ATRX: variants seen among roughly 807,000 people sequenced by gnomAD.
ATRX encodes ATRX chromatin remodeler, also known as chromatin remodeler ATRX.
A neutral mutation model predicts 172.6 loss-of-function variants in ATRX; 12 were observed. The observed-to-expected ratio is 0.07, with a 90% CI of 0.04 to 0.11. ATRX has a LOEUF of 0.11. ATRX is among the 10% of genes least tolerant of loss of function. The probability of loss-of-function intolerance (pLI) is 1.00; values close to 1 mark genes in which losing one functional copy is unlikely to be tolerated. For synonymous variants in ATRX, 674 were observed against 594.7 expected (o/e 1.13, Z -1.94); for missense variants, 1,368 against 1,767.4 (o/e 0.77, Z 4.05).
intron 19 of ATRX, among the ~76,000 whole-genome samples, chrX:77,630,112 A>T (rs1288562518): frequency 1.8e-5 from 2 of 112,033 alleles, no homozygotes; most frequent in African/African-American, 6.5e-5. Flanking sequence ...ATAAAATTAA[A>T]ACAATTTTAT....
intron 22 of ATRX, among the ~76,000 whole-genome samples, chrX:77,613,663 A>G (rs1269687183): frequency 1.8e-5 from 2 of 112,053 alleles, no homozygotes; most frequent in Non-Finnish European, 3.8e-5. Flanking sequence ...AGGTCCTAGA[A>G]CCAATCCCCC....
intron 7 of ATRX, among the ~76,000 whole-genome samples, chrX:77,688,412 G>A (rs2071699010): frequency 8.9e-6 from 1 of 111,765 alleles, no homozygotes; most frequent in Non-Finnish European, 1.9e-5. Context: ...GATATATAAG[G>A]GGAAAGATTA....
At chrX:77,660,515 C>T (rs953932202) in intron 12 of ATRX, among the ~76,000 whole-genome samples, 1 of 108,698 alleles carries the variant, frequency 9.2e-6, no homozygotes, top group Non-Finnish European at 1.9e-5. Flanking sequence ...CAGTGTGAGC[C>T]GAGATCGCGC....
At chrX:77,727,366 A>G (rs2074093774) in intron 1 of ATRX, among the ~76,000 whole-genome samples, 1 of 111,534 alleles carries the variant, frequency 9.0e-6, no homozygotes, top group Non-Finnish European at 1.9e-5. Context: ...TTCTACTGTA[A>G]AGACACATGC....
chrX:77,782,188 T>C (rs782015761), intron 1 of ATRX, among the ~76,000 whole-genome samples: 1 of 112,154 alleles, frequency 8.9e-6, no homozygotes, highest in Non-Finnish European at 1.9e-5. Context: ...TCCAAGGGCC[T>C]GGTTTCATGC....
At position 77,661,780 on chromosome X, in the gene ATRX, A is replaced by C. The variant is rs45566441; in HGVS notation, c.4120+1602T>G. Among the ~76,000 whole-genome samples the C allele has an allele frequency of 6.2e-3, 686 of 111,380 alleles. 4 individuals carry two copies. The highest frequency in any genetic ancestry group is 0.021 in the African/African-American group (635 of 30,679). On this transcript the variant is annotated intron_variant, in intron 12 of 34. Coordinates refer to ENST00000373344, the MANE Select transcript of ATRX (RefSeq NM_000489.6). Reference sequence around the variant, plus strand: ...ACCTCAAATTATAAATAGAGACACCAAAGAGATGTACACCTTGGTATACCA... The same window carrying C: ...ACCTCAAATTATAAATAGAGACACCCAAGAGATGTACACCTTGGTATACCA...
intron 22 of ATRX, among the ~76,000 whole-genome samples, chrX:77,610,172 C>A (rs1383771300): frequency 9.0e-6 from 1 of 111,426 alleles, no homozygotes; most frequent in African/African-American, 3.3e-5. Flanking sequence ...TATCATGTCA[C>A]CTGCAAACTG....
chrX:77,539,602 A>G (rs1379306269), intron 30 of ATRX, among the ~76,000 whole-genome samples: 1 of 111,617 alleles, frequency 9.0e-6, no homozygotes, highest in African/African-American at 3.3e-5. Context: ...ACCACCACAG[A>G]CTAACAGCAG....
intron 22 of ATRX, among the ~76,000 whole-genome samples, chrX:77,615,219 C>T (rs1240401336): frequency 9.0e-6 from 1 of 110,748 alleles, no homozygotes; most frequent in Non-Finnish European, 1.9e-5. Context: ...GGCTAGTCCC[C>T]AACTCCTGAG....
At chrX:77,514,984 C>T (rs782708743) in intron 34 of ATRX, among the ~76,000 whole-genome samples, 1 of 112,030 alleles carries the variant, frequency 8.9e-6, no homozygotes, top group Non-Finnish European at 1.9e-5. Flanking sequence ...AAAACACACA[C>T]GTGGCCAACA....
chrX:77,688,718 T>C, intron 7 of ATRX, 100 bp downstream of exon 7: 1 of 684,971 alleles, frequency 1.5e-6, no homozygotes, highest in Non-Finnish European at 2.3e-6. Context: ...CAAGGGCAGA[T>C]ACCATTTTCA....
At chrX:77,744,307 C>A (rs781991820) in intron 1 of ATRX, among the ~76,000 whole-genome samples, 1 of 111,884 alleles carries the variant, frequency 8.9e-6, no homozygotes, top group Non-Finnish European at 1.9e-5. Flanking sequence ...ACAGAGCTGT[C>A]TCAAAATAAA....
intron 1 of ATRX, among the ~76,000 whole-genome samples, chrX:77,781,358 C>T (rs1215804098): frequency 9.8e-6 from 1 of 102,562 alleles, no homozygotes; most frequent in African/African-American, 3.6e-5. Flanking sequence ...AGGAGAATGG[C>T]GTGAACCCGG....
rs112567888 is a variant in ATRX, at chrX:77,775,715, CTTTATTTATTTA to C, written c.20+10255_20+10266del. The stretch of plus-strand genomic sequence containing the variant: ...AAAACAAAAATTAAAAACAATAATT[CTTTATTTATTTA>C]TTTATTTATTTATTTATTTATTTTT... On this transcript the variant is annotated intron_variant, in intron 1 of 34. Transcript: ENST00000373344. Among the ~76,000 whole-genome samples the C allele has an allele frequency of 8.4e-3, 843 of 100,317 alleles. 13 individuals are homozygous for C. The highest frequency in any genetic ancestry group is 0.027 in the African/African-American group (797 of 29,264). The allele number at this position is 100,317 out of a possible 115,157, so 87.1% of individuals were successfully genotyped here.
chrX:77,599,146 A>G (rs1367443459), intron 25 of ATRX, among the ~76,000 whole-genome samples: 1 of 112,087 alleles, frequency 8.9e-6, no homozygotes, highest in African/African-American at 3.2e-5. Flanking sequence ...TGTAGTGAAA[A>G]TAATAGAGTT....
rs45602240 is a variant in ATRX at position 77,571,603 on chromosome X, G to C, written c.6326+2647C>G. Among the ~76,000 whole-genome samples the C allele has an allele frequency of 6.7e-3, 751 of 111,839 alleles. 11 individuals are homozygous for C. Among genetic ancestry groups the C allele is most frequent in the African/African-American group, 0.023 (725 of 30,885 alleles). On this transcript the variant is annotated intron_variant, in intron 28 of 34. Transcript: ENST00000373344. ...GGGTGTGACTATAAAAGGGTAGTGA[G>C]AGAGAGCGAGCTTTGTGGTGATGGA... is the stretch of plus-strand genomic sequence containing the variant.
At chrX:77,670,492 C>T (rs375154485) in intron 10 of ATRX, among the ~76,000 whole-genome samples, 1 of 111,891 alleles carries the variant, frequency 8.9e-6, no homozygotes, top group East Asian at 2.8e-4. Flanking sequence ...CGATGGCTCA[C>T]GCCTGTAATC....
intron 1 of ATRX, among the ~76,000 whole-genome samples, chrX:77,731,526 C>A (rs2074296963): frequency 8.9e-6 from 1 of 111,793 alleles, no homozygotes; most frequent in African/African-American, 3.3e-5. Context: ...AAAGTGAAAA[C>A]TTCTATTCCT....
intron 30 of ATRX, among the ~76,000 whole-genome samples, chrX:77,524,151 C>G (rs1428664850): frequency 9.0e-6 from 1 of 111,214 alleles, no homozygotes; most frequent in Non-Finnish European, 1.9e-5. Context: ...GAGTGAGACA[C>G]AAAGATAGAT....
Sources: gnomAD v4.1 joint callset for allele counts (sites outside exome capture counted in the v4.1 genomes callset) on GRCh38, gnomAD v4.1.1 for gene constraint, MANE v1.5 for transcripts, NCBI Gene and HGNC (gene_info 2026-07-23, HGNC 2026-07-21) for gene names.